The following PCDHGA3 variants were observed in gnomAD, a reference collection of about 807,000 sequenced individuals.
PCDHGA3 encodes protocadherin gamma subfamily A, 3, also known as protocadherin gamma-A3.
A neutral mutation model predicts 58.5 loss-of-function variants in PCDHGA3; 40 were observed. The observed-to-expected ratio is 0.68, with a 90% CI of 0.53 to 0.89. PCDHGA3 has a LOEUF of 0.89. Among genes scored for constraint, PCDHGA3 ranks in the 40% least tolerant of loss-of-function variants. The probability of loss-of-function intolerance (pLI) is 0.00; values close to 1 mark genes in which losing one functional copy is unlikely to be tolerated. For missense variants in PCDHGA3, 1,223 were observed against 1,195.9 expected, an observed-to-expected ratio of 1.02 and a Z score of -0.33; for synonymous variants, 530 against 525.7, an observed-to-expected ratio of 1.01 and a Z score of -0.11.
chr5:141,418,391 T>G, intron 1 of PCDHGA3: 1 of 1,614,010 alleles, frequency 6.2e-7, no homozygotes, highest in Non-Finnish European at 8.5e-7. Context: ...TAACGAGTAT[T>G]TCTCATTGGT....
chr5:141,477,752 G>C lies in PCDHGA3; in HGVS notation c.2425-17055G>C. On this transcript the variant is annotated intron_variant, in intron 1 of 3. Coordinates refer to ENST00000253812, the MANE Select transcript of PCDHGA3 (RefSeq NM_018916.4). This position sits in a 1 kb window ranked among gnomAD's most constrained non-coding sequence, Gnocchi z 4.9. ...TCATATCAGCGATGGGGGCACCCCG[G>C]TCCTAGCCACCAACATCAGCGTGAA... The C allele has an allele frequency of 6.2e-7, 1 of 1,613,868 alleles. No homozygotes were observed.
At chr5:141,407,856 G>A (rs1038275806) in intron 1 of PCDHGA3, among the ~76,000 whole-genome samples, 2 of 152,210 alleles carry the variant, frequency 1.3e-5, no homozygotes, top group African/African-American at 4.8e-5. Context: ...ATGTACACCT[G>A]CATTTTCGAA....
rs1187072972 is a variant in PCDHGA3 at position 141,487,553 on chromosome 5, C to T, written c.2425-7254C>T. 4 of 1,614,050 alleles carry T rather than the reference C, an allele frequency of 2.5e-6. No individual in the cohort carries two copies. The African/African-American group carries it at 4.0e-5, about 16-fold the overall frequency. On this transcript the variant is annotated intron_variant, in intron 1 of 3. Coordinates refer to ENST00000253812, the MANE Select transcript of PCDHGA3 (RefSeq NM_018916.4). The surrounding 1 kb of genome is among the most constrained non-coding windows in gnomAD (Gnocchi z 5.0). ...CATGATGGTGAAGTCACCCAGTGCA[C>T]CTATGGCAGGGGAGCCTGTTCGCCC...
intron 1 of PCDHGA3, chr5:141,420,344 T>G (rs2096490860): frequency 2.2e-6 from 3 of 1,394,808 alleles, no homozygotes; most frequent in African/African-American, 1.5e-5. Flanking sequence ...TATAGTGGTA[T>G]TATTTTAAGA....
chr5:141,403,405 T>A, intron 1 of PCDHGA3: 4 of 1,614,060 alleles, frequency 2.5e-6, no homozygotes, highest in Non-Finnish European at 3.4e-6. Flanking sequence ...CTGGAGCACG[T>A]TATCCACTTC....
chr5:141,472,009 G>A (rs917861040), intron 1 of PCDHGA3, among the ~76,000 whole-genome samples: 11 of 152,074 alleles, frequency 7.2e-5, no homozygotes, highest in African/African-American at 2.7e-4. Flanking sequence ...TCGTATAGGG[G>A]CACTATATTG....
At chr5:141,383,319 A>G (rs778348189) in intron 1 of PCDHGA3, 1 of 1,614,020 alleles carries the variant, frequency 6.2e-7, no homozygotes, top group Non-Finnish European at 8.5e-7. Context: ...AAATAAATGT[A>G]AAAATAATGG....
In PCDHGA3 at chr5:141,383,779, C is replaced by G. The variant is rs1779468390; in HGVS notation, c.2424+37322C>G. 1 of 1,614,002 alleles carries G rather than the reference C, an allele frequency of 6.2e-7. No homozygotes were observed. ...TCCTAAACTTCCAAAGATGTTTCATCTGAACTCGCTTACAGGAGAAATATC... is the reference window on the plus strand; with the variant it reads ...TCCTAAACTTCCAAAGATGTTTCATGTGAACTCGCTTACAGGAGAAATATC... On this transcript the variant is annotated intron_variant, in intron 1 of 3. Coordinates refer to ENST00000253812, the MANE Select transcript of PCDHGA3 (RefSeq NM_018916.4).
chr5:141,427,905 A>G (rs754321006), intron 1 of PCDHGA3: 1 of 1,574,682 alleles, frequency 6.4e-7, no homozygotes, highest in South Asian at 1.1e-5. Context: ...GCCCGCGCTC[A>G]GCGCCAACAT....
intron 1 of PCDHGA3, among the ~76,000 whole-genome samples, chr5:141,435,383 G>A (rs1057246190): frequency 6.6e-6 from 1 of 152,016 alleles, no homozygotes; most frequent in South Asian, 2.1e-4. Flanking sequence ...ACAATATACC[G>A]TATTGCCATG....
At chr5:141,498,967 GGGAGGGAAGGAAGGAAGGAA>G (rs1464205074) in intron 2 of PCDHGA3, among the ~76,000 whole-genome samples, 5 of 129,584 alleles carry the variant, frequency 3.9e-5, no homozygotes, top group African/African-American at 1.6e-4. Flanking sequence ...GAGGGAGGGA[GGGAGGGAAGGAAGGAAGGAA>G]GGAAGGAAGG....
intron 1 of PCDHGA3, among the ~76,000 whole-genome samples, chr5:141,453,101 T>TTTTTG (rs879618609): frequency 3.2e-4 from 49 of 152,130 alleles, no homozygotes; most frequent in Middle Eastern, 6.8e-3. Flanking sequence ...TTCTGTTGCT[T>TTTTTG]TTTTGTTTTG....
Position 141,486,587 on chromosome 5 carries a change from G to C in PCDHGA3, c.2425-8220G>C. 6.2e-7 allele frequency: 1 copy of C among 1,613,596 alleles called. No individual in the cohort carries two copies. The highest frequency in any genetic ancestry group is 8.5e-7 in the Non-Finnish European group (1 of 1,180,006). On this transcript the variant is annotated intron_variant, in intron 1 of 3. Transcript: ENST00000253812. The surrounding 1 kb of genome is among the most constrained non-coding windows in gnomAD (Gnocchi z 5.0). ...TGTTCCTGAGAACAATCGCCCAGGG[G>C]ACCTGCTTTGCTCCCTTGCAGCCTC...
Position 141,490,748 on chromosome 5 carries a change from C to A in PCDHGA3, c.2425-4059C>A. 3.1e-6 allele frequency: 5 copies of A among 1,614,168 alleles called. No individual in the cohort carries two copies. Among genetic ancestry groups the A allele is most frequent in the Non-Finnish European group, 3.4e-6 (4 of 1,180,006 alleles). ...GGAAATCAGGTTCAGGGAGCCCCAGCCTCCTCCTTTGTGTATGTCAACCCA... is the reference window on the plus strand; with the variant it reads ...GGAAATCAGGTTCAGGGAGCCCCAGACTCCTCCTTTGTGTATGTCAACCCA... On this transcript the variant is annotated intron_variant, in intron 1 of 3. Transcript: ENST00000253812. This position sits in a 1 kb window ranked among gnomAD's most constrained non-coding sequence, Gnocchi z 5.4.
intron 1 of PCDHGA3, chr5:141,399,059 A>G (rs769553635): frequency 1.2e-6 from 2 of 1,613,764 alleles, no homozygotes; most frequent in Middle Eastern, 1.6e-4. Context: ...ACCAAGGAAT[A>G]TTCAATGGTT....
chr5:141,362,819 G>T lies in PCDHGA3; in HGVS notation c.2424+16362G>T, dbSNP rs73265837. On this transcript the variant is annotated intron_variant, in intron 1 of 3. Transcript: ENST00000253812. Reference sequence around the variant, plus strand: ...CATCTTTACATTACTTCTCTCTGCAGATTTGTTGCTATTGAGACTTTAGGC... The same window carrying T: ...CATCTTTACATTACTTCTCTCTGCATATTTGTTGCTATTGAGACTTTAGGC... 9.1e-3 allele frequency among the ~76,000 whole-genome samples: 1,386 copies of T among 152,280 alleles called. 21 individuals are homozygous for T. Among genetic ancestry groups the T allele is most frequent in the African/African-American group, 0.032 (1,315 of 41,542 alleles).
intron 1 of PCDHGA3, among the ~76,000 whole-genome samples, chr5:141,354,798 A>T (rs1759635009): frequency 6.6e-6 from 1 of 152,264 alleles, no homozygotes; most frequent in African/African-American, 2.4e-5. Context: ...AAGAAAATAA[A>T]TAACTTCATA....
intron 1 of PCDHGA3, chr5:141,360,857 T>C (rs765284863): frequency 6.2e-7 from 1 of 1,613,894 alleles, no homozygotes; most frequent in Non-Finnish European, 8.5e-7. Flanking sequence ...AACCCTCCAG[T>C]GTTCAGCCAG....
chr5:141,395,254 G>T, intron 1 of PCDHGA3: 1 of 1,556,766 alleles, frequency 6.4e-7, no homozygotes, highest in Non-Finnish European at 8.7e-7. Context: ...TTAGTTCTTT[G>T]CTTGCTTTTA....
Sources: gnomAD v4.1 joint callset for allele counts (sites outside exome capture counted in the v4.1 genomes callset) on GRCh38, gnomAD v4.1.1 for gene constraint, Gnocchi (gnomAD v3.1) non-coding constraint, MANE v1.5 for transcripts, NCBI Gene and HGNC (gene_info 2026-07-23, HGNC 2026-07-21) for gene names.